The following FBXL20 variants were observed in gnomAD, a reference collection of about 807,000 sequenced individuals.
FBXL20 encodes the protein F-box and leucine rich repeat protein 20.
Under a neutral mutation model 64.0 loss-of-function variants are expected in FBXL20, and 11 were observed. That is an observed-to-expected ratio of 0.17 (90% CI 0.11 to 0.28). FBXL20 has a LOEUF of 0.28. FBXL20 is among the 10% of genes least tolerant of loss of function. FBXL20 has a pLI of 1.00. For missense variants in FBXL20, 303 were observed against 526.2 expected (o/e 0.58, Z 4.15); for synonymous variants, 184 against 189.0 (o/e 0.97, Z 0.22).
At chr17:39,337,514 C>T (rs1303649575) in intron 2 of FBXL20, among the ~76,000 whole-genome samples, 70 of 151,884 alleles carry the variant, frequency 4.6e-4, no homozygotes, top group African/African-American at 1.6e-3. Flanking sequence ...CGTCTCTGCC[C>T]GGCCGCCCAT....
intron 9 of FBXL20, among the ~76,000 whole-genome samples, chr17:39,280,979 G>A (rs1210122715): frequency 1.3e-5 from 2 of 152,122 alleles, no homozygotes; most frequent in African/African-American, 4.8e-5. Flanking sequence ...GCCTAGGCTG[G>A]TCTCAAACTC....
At chr17:39,381,095 A>G (rs9896913) in intron 1 of FBXL20, among the ~76,000 whole-genome samples, 57,491 of 151,698 alleles carry the variant, frequency 0.38, 13,972 homozygotes, top group African/African-American at 0.69. Context: ...GGGAGGCGGA[A>G]GTTGCAGTGA....
At chr17:39,376,856 C>T (rs976767137) in intron 1 of FBXL20, among the ~76,000 whole-genome samples, 9 of 151,972 alleles carry the variant, frequency 5.9e-5, no homozygotes, top group Admixed American at 3.3e-4. Context: ...GAAGGTGAGC[C>T]GGGCATTGAA....
chr17:39,287,317 A>C (rs1295819283), intron 6 of FBXL20, among the ~76,000 whole-genome samples: 1 of 152,096 alleles, frequency 6.6e-6, no homozygotes, highest in Non-Finnish European at 1.5e-5. Flanking sequence ...TGACAAGTTG[A>C]TTTGTTCAAA....
At chr17:39,322,642 G>A (rs566836883) in intron 2 of FBXL20, among the ~76,000 whole-genome samples, 1 of 152,182 alleles carries the variant, frequency 6.6e-6, no homozygotes, top group East Asian at 1.9e-4. Flanking sequence ...ACTACTGGGG[G>A]TTGTGAGAAT....
intron 12 of FBXL20, among the ~76,000 whole-genome samples, chr17:39,267,855 G>A (rs1286361836): frequency 6.6e-6 from 1 of 152,188 alleles, no homozygotes; most frequent in Non-Finnish European, 1.5e-5. Context: ...ATGTATAAGA[G>A]ATAAACGGAT....
chr17:39,284,335 G>T (rs1460822009), intron 7 of FBXL20, among the ~76,000 whole-genome samples: 1 of 152,148 alleles, frequency 6.6e-6, no homozygotes, highest in Non-Finnish European at 1.5e-5. Context: ...CACAAAGAAG[G>T]TCTAAAAGGA....
chr17:39,306,056 T>C (rs2047179337), intron 2 of FBXL20, among the ~76,000 whole-genome samples: 1 of 151,818 alleles, frequency 6.6e-6, no homozygotes, highest in Admixed American at 6.6e-5. Flanking sequence ...TTCCAGCTAC[T>C]TGGGAAGCTG....
chr17:39,387,584 T>C (rs1028039082), intron 1 of FBXL20, among the ~76,000 whole-genome samples: 6 of 151,294 alleles, frequency 4.0e-5, no homozygotes, highest in African/African-American at 1.5e-4. Flanking sequence ...CAATCTTTTT[T>C]TTTTTTTTTT....
At chr17:39,264,148 G>T in intron 14 of FBXL20, 27 bp downstream of exon 14, 1 of 1,607,048 alleles carries the variant, frequency 6.2e-7, no homozygotes, top group Non-Finnish European at 8.5e-7. Flanking sequence ...TAACACTAGA[G>T]TTGGAGAGTT....
chr17:39,330,021 G>A lies in FBXL20; in HGVS notation c.104+13159C>T, dbSNP rs377324860. 2.0e-4 allele frequency among the ~76,000 whole-genome samples: 31 copies of A among 152,118 alleles called. No individual in the cohort carries two copies. In the East Asian group the frequency reaches 5.0e-3, roughly 25 times the overall value. Reference sequence around the variant, plus strand: ...AAAAAATCAAAAATAGGATGGGCGCGGTGGCTCATACCTGTAATCCCAGCA... The same window carrying A: ...AAAAAATCAAAAATAGGATGGGCGCAGTGGCTCATACCTGTAATCCCAGCA... On this transcript the variant is annotated intron_variant, in intron 2 of 14. Coordinates refer to ENST00000264658, the MANE Select transcript of FBXL20 (RefSeq NM_032875.3).
rs1420736491 is a variant in FBXL20 at position 39,391,882 on chromosome 17, G to A, written c.42+9479C>T. On this transcript the variant is annotated intron_variant, in intron 1 of 14. Transcript: ENST00000264658. ...AAAAGGGCTGGGTGTGGTGGCTCACGCCTGTAATCCTAGCACTTTGGGAGG... is the reference window on the plus strand; with the variant it reads ...AAAAGGGCTGGGTGTGGTGGCTCACACCTGTAATCCTAGCACTTTGGGAGG... Among the ~76,000 whole-genome samples the A allele has an allele frequency of 5.3e-5, 8 of 150,864 alleles. No individual in the cohort carries two copies. In the South Asian group the frequency reaches 8.4e-4, roughly 16 times the overall value.
chr17:39,273,587 G>A (rs2046865470), intron 10 of FBXL20, among the ~76,000 whole-genome samples: 1 of 151,996 alleles, frequency 6.6e-6, no homozygotes, highest in Non-Finnish European at 1.5e-5. Flanking sequence ...CAGCACTTTG[G>A]GAGGCCGAGG....
At chr17:39,394,116 C>T (rs2048160180) in intron 1 of FBXL20, among the ~76,000 whole-genome samples, 1 of 152,084 alleles carries the variant, frequency 6.6e-6, no homozygotes, top group Non-Finnish European at 1.5e-5. Context: ...AGTAGGAAAA[C>T]AGTGTAAAGA....
intron 2 of FBXL20, among the ~76,000 whole-genome samples, chr17:39,304,728 A>G (rs2047166119): frequency 6.6e-6 from 1 of 152,184 alleles, no homozygotes; most frequent in South Asian, 2.1e-4. Flanking sequence ...AATAGCTGGG[A>G]CTAAAGGCGC....
intron 14 of FBXL20, among the ~76,000 whole-genome samples, chr17:39,262,275 T>C (rs1183796506): frequency 1.3e-5 from 2 of 151,964 alleles, no homozygotes; most frequent in Non-Finnish European, 2.9e-5. Flanking sequence ...CCAACGTGGA[T>C]TTTTTAGAGG....
chr17:39,362,234 A>G (rs1003048876), intron 1 of FBXL20, among the ~76,000 whole-genome samples: 1 of 151,858 alleles, frequency 6.6e-6, no homozygotes, highest in Non-Finnish European at 1.5e-5. Context: ...CAGAGCTTGC[A>G]GTGAGCCAAG....
chr17:39,313,244 T>C (rs1043947591), intron 2 of FBXL20, among the ~76,000 whole-genome samples: 6 of 149,008 alleles, frequency 4.0e-5, no homozygotes, highest in African/African-American at 1.5e-4. Flanking sequence ...TTAATTTGTA[T>C]TTTTTCTGAG....
At chr17:39,315,850 A>AGC in intron 2 of FBXL20, among the ~76,000 whole-genome samples, 1 of 150,646 alleles carries the variant, frequency 6.6e-6, no homozygotes, top group Non-Finnish European at 1.5e-5. Context: ...AGAGAGAGAG[A>AGC]GAGAGAGAGA....
Sources: allele counts gnomAD v4.1 joint callset (sites outside exome capture counted in the v4.1 genomes callset), GRCh38; gene constraint gnomAD v4.1.1; transcripts MANE v1.5; gene names NCBI Gene and HGNC (gene_info 2026-07-23, HGNC 2026-07-21).